IMMP2L: variants seen among roughly 807,000 people sequenced by gnomAD.
IMMP2L encodes inner mitochondrial membrane peptidase subunit 2.
Under a neutral mutation model 19.3 loss-of-function variants are expected in IMMP2L, and 18 were observed. The ratio of observed to expected loss-of-function variants is 0.93; its 90% CI spans 0.64 to 1.38. The LOEUF is 1.38. Ranked by LOEUF, IMMP2L falls within the 40% of genes most tolerant of loss-of-function variation. IMMP2L has a pLI of 0.00. For synonymous variants in IMMP2L, 76 were observed against 73.0 expected (o/e 1.04, Z -0.21); for missense variants, 233 against 218.2 (o/e 1.07, Z -0.43).
chr7:111,548,591 C>G (rs997964709), intron 1 of IMMP2L, among the ~76,000 whole-genome samples: 1 of 152,028 alleles, frequency 6.6e-6, no homozygotes, highest in Non-Finnish European at 1.5e-5. Context: ...ACAATTACAC[C>G]TTTATCTCGA....
intron 3 of IMMP2L, among the ~76,000 whole-genome samples, chr7:111,459,990 A>G (rs534970909): frequency 1.2e-4 from 19 of 152,254 alleles, no homozygotes; most frequent in Admixed American, 1.1e-3. Flanking sequence ...ATGAAAGAAA[A>G]ATGCTTCATG....
At chr7:110,744,316 G>A (rs1033645950) in intron 5 of IMMP2L, among the ~76,000 whole-genome samples, 9 of 152,300 alleles carry the variant, frequency 5.9e-5, no homozygotes, top group East Asian at 5.8e-4. Context: ...GGTTGTAGGC[G>A]CAGCTTCAGC....
At chr7:111,112,842 C>G (rs1024218693) in intron 3 of IMMP2L, among the ~76,000 whole-genome samples, 1 of 152,152 alleles carries the variant, frequency 6.6e-6, no homozygotes, top group African/African-American at 2.4e-5. Flanking sequence ...TGGCAGGCAT[C>G]AGCTAACCCC....
chr7:111,010,203 A>T (rs1824787240), intron 3 of IMMP2L, among the ~76,000 whole-genome samples: 1 of 152,142 alleles, frequency 6.6e-6, no homozygotes, highest in African/African-American at 2.4e-5. Context: ...TTTCTTAGTT[A>T]TATCTCATTT....
chr7:110,716,314 T>TA (rs1795231825), intron 5 of IMMP2L, among the ~76,000 whole-genome samples: 1 of 152,082 alleles, frequency 6.6e-6, no homozygotes, highest in East Asian at 1.9e-4. Context: ...TTAATATTGA[T>TA]ATGTGAGGTT....
chr7:111,498,147 G>A (rs1487912483), intron 2 of IMMP2L, among the ~76,000 whole-genome samples: 1 of 151,810 alleles, frequency 6.6e-6, no homozygotes, highest in Non-Finnish European at 1.5e-5. Flanking sequence ...CTTTAATTCA[G>A]GTCGCTACAA....
In IMMP2L at chr7:110,760,609, T is replaced by C. The variant is rs1044361505; in HGVS notation, c.409-96888A>G. 2.6e-5 allele frequency among the ~76,000 whole-genome samples: 4 copies of C among 152,150 alleles called. No individual in the cohort carries two copies. The highest frequency in any genetic ancestry group is 6.6e-5 in the Admixed American group (1 of 15,250). On this transcript the variant is annotated intron_variant, in intron 5 of 5. Transcript: ENST00000405709. This position sits in a 1 kb window ranked among gnomAD's most constrained non-coding sequence, Gnocchi z 4.2. ...AGTTCCTAGAAGATACCAATCCATA[T>C]TGAAAGGGAGCAACGTGTTGGTTAC... is the stretch of plus-strand genomic sequence containing the variant.
At chr7:111,312,434 G>A (rs1378682380) in intron 3 of IMMP2L, among the ~76,000 whole-genome samples, 1 of 152,076 alleles carries the variant, frequency 6.6e-6, no homozygotes, top group African/African-American at 2.4e-5. Flanking sequence ...CTTATTTTCA[G>A]CTGCATCATT....
intron 3 of IMMP2L, among the ~76,000 whole-genome samples, chr7:111,473,406 A>C (rs538823378): frequency 6.6e-6 from 1 of 152,202 alleles, no homozygotes; most frequent in Non-Finnish European, 1.5e-5. Context: ...ACAGAGCCAG[A>C]TGTCACTAAG....
chr7:111,367,755 A>C (rs985487808), intron 3 of IMMP2L, among the ~76,000 whole-genome samples: 2 of 151,902 alleles, frequency 1.3e-5, no homozygotes, highest in African/African-American at 4.8e-5. Flanking sequence ...CTCATTCTAG[A>C]CCTCATACTT....
Position 110,886,586 on chromosome 7 carries a change from G to C in IMMP2L, c.408+7C>G. On this transcript the variant is annotated splice_region_variant and intron_variant, in intron 5 of 5. Transcript: ENST00000405709. ...TTACATCAACAAGAAGATAAAAGAT[G>C]ACTTACCGGCCCAAAAGAATTACTG... 1 of 1,506,878 alleles carries C rather than the reference G, an allele frequency of 6.6e-7. No homozygotes were observed. The highest frequency in any genetic ancestry group is 9.2e-7 in the Non-Finnish European group (1 of 1,082,778). 93.3% of individuals were successfully genotyped at this position (1,506,878 alleles called of 1,614,324 possible). A position where few individuals can be genotyped will look rare whatever the true frequency, so the allele number is the denominator to read the frequency against.
At chr7:111,475,132 T>A (rs1243666830) in intron 3 of IMMP2L, among the ~76,000 whole-genome samples, 1 of 152,178 alleles carries the variant, frequency 6.6e-6, no homozygotes, top group Non-Finnish European at 1.5e-5. Flanking sequence ...AACTTATACT[T>A]GTGCCATCAG....
intron 5 of IMMP2L, among the ~76,000 whole-genome samples, chr7:110,826,685 C>G (rs992854365): frequency 6.6e-6 from 1 of 151,302 alleles, no homozygotes; most frequent in Non-Finnish European, 1.5e-5. Context: ...TGGGGCCTGT[C>G]ATGGGGTTGG....
intron 3 of IMMP2L, among the ~76,000 whole-genome samples, chr7:111,438,394 A>G (rs1345439795): frequency 6.6e-6 from 1 of 151,776 alleles, no homozygotes; most frequent in Non-Finnish European, 1.5e-5. Flanking sequence ...GATTTTTATG[A>G]AAAACCTCTG....
chr7:110,700,352 C>A (rs1200515346), intron 5 of IMMP2L, among the ~76,000 whole-genome samples: 2 of 115,822 alleles, frequency 1.7e-5, no homozygotes, highest in Admixed American at 9.5e-5. Flanking sequence ...CAGCTTTGGT[C>A]ATTTTTCTTT....
At chr7:111,165,917 C>T (rs560792336) in intron 3 of IMMP2L, among the ~76,000 whole-genome samples, 6 of 152,110 alleles carry the variant, frequency 3.9e-5, no homozygotes, top group African/African-American at 1.4e-4. Context: ...AATGATTGCT[C>T]TCAGCCAATC....
At chr7:111,469,360 CATG>C (rs747012622) in intron 3 of IMMP2L, among the ~76,000 whole-genome samples, 13 of 152,168 alleles carry the variant, frequency 8.5e-5, no homozygotes, top group Non-Finnish European at 1.8e-4. Flanking sequence ...TGGCCATTTT[CATG>C]ATATTGATTC....
chr7:110,731,278 T>C (rs1449130345), intron 5 of IMMP2L, among the ~76,000 whole-genome samples: 1 of 152,192 alleles, frequency 6.6e-6, no homozygotes, highest in African/African-American at 2.4e-5. Flanking sequence ...TACTGTATTT[T>C]AGTATATAGA....
intron 4 of IMMP2L, among the ~76,000 whole-genome samples, chr7:110,906,970 G>A (rs570561290): frequency 2.0e-5 from 3 of 151,750 alleles, no homozygotes; most frequent in Non-Finnish European, 4.4e-5. Context: ...AGGTGAGCAG[G>A]TACAGGAGCT....
Sources: gnomAD v4.1 joint callset for allele counts (sites outside exome capture counted in the v4.1 genomes callset) on GRCh38, gnomAD v4.1.1 for gene constraint, Gnocchi (gnomAD v3.1) non-coding constraint, MANE v1.5 for transcripts, NCBI Gene and HGNC (gene_info 2026-07-23, HGNC 2026-07-21) for gene names.